Variants in BRINP1 observed in about 807,000 individuals in gnomAD.
BRINP1 encodes the protein BMP/retinoic acid-inducible neural-specific protein 1.
In BRINP1, 17 loss-of-function variants were observed where a neutral mutation model predicts 72.9. The observed-to-expected ratio is 0.23, with a 90% CI of 0.16 to 0.35. The LOEUF is 0.35. BRINP1 is among the 10% of genes least tolerant of loss of function. BRINP1 has a pLI of 1.00. For missense variants in BRINP1, 850 were observed against 1,001.6 expected (o/e 0.85, Z 2.04); for synonymous variants, 418 against 378.5 (o/e 1.10, Z -1.21).
chr9:119,293,780 T>A (rs1046943847), intron 2 of BRINP1, among the ~76,000 whole-genome samples: 1 of 152,044 alleles, frequency 6.6e-6, no homozygotes, highest in Non-Finnish European at 1.5e-5. Flanking sequence ...ACGAAGAAGA[T>A]GGAAAAATAA....
intron 2 of BRINP1, among the ~76,000 whole-genome samples, chr9:119,254,570 T>C (rs1588179270): frequency 6.6e-6 from 1 of 152,158 alleles, no homozygotes; most frequent in Admixed American, 6.5e-5. Context: ...TGGAGGAACA[T>C]AGACCTCAAA....
chr9:119,270,643 G>T (rs1214099909), intron 2 of BRINP1, among the ~76,000 whole-genome samples: 1 of 152,188 alleles, frequency 6.6e-6, no homozygotes, highest in Non-Finnish European at 1.5e-5. Flanking sequence ...GAGGGCAGTA[G>T]ATAAGACAGA....
At chr9:119,314,182 G>A (rs935004149) in intron 1 of BRINP1, among the ~76,000 whole-genome samples, 1 of 152,138 alleles carries the variant, frequency 6.6e-6, no homozygotes, top group Non-Finnish European at 1.5e-5. Flanking sequence ...GAAAACTGAA[G>A]GCGGTCATTT....
At chr9:119,299,007 T>C (rs985411046) in intron 2 of BRINP1, among the ~76,000 whole-genome samples, 2 of 152,202 alleles carry the variant, frequency 1.3e-5, no homozygotes, top group Non-Finnish European at 2.9e-5. Flanking sequence ...TATGTATACA[T>C]TGAGGAATGG....
intron 2 of BRINP1, among the ~76,000 whole-genome samples, chr9:119,272,579 A>G (rs1432892451): frequency 6.6e-6 from 1 of 152,162 alleles, no homozygotes; most frequent in Non-Finnish European, 1.5e-5. Flanking sequence ...AGCTCCCAAG[A>G]GAAGAAAAGC....
At chr9:119,362,547 C>A (rs141928362) in intron 1 of BRINP1, among the ~76,000 whole-genome samples, 148 of 152,270 alleles carry the variant, frequency 9.7e-4, no homozygotes, top group African/African-American at 3.6e-3. Context: ...CACCATACCC[C>A]CCAAGTCACT....
rs1356871372 is a variant in BRINP1, at chr9:119,166,722, C to CTT, written c.*360_*361dup. The CTT allele has an allele frequency of 5.7e-6, 1 of 176,032 alleles. No individual in the cohort carries two copies. Among genetic ancestry groups the CTT allele is most frequent in the Non-Finnish European group, 1.2e-5 (1 of 83,754 alleles). The allele number at this position is 176,032 out of a possible 1,614,324, so 10.9% of individuals were successfully genotyped here. ...TCAGTTGTACATTACATATATCTCT[C>CTT]TTTCTTTTTAGTGTTTAATCTTAGC... On this transcript the variant is annotated 3_prime_UTR_variant, in exon 8 of 8. Transcript: ENST00000265922.
At chr9:119,187,687 C>T (rs967039727) in intron 7 of BRINP1, among the ~76,000 whole-genome samples, 16 of 152,040 alleles carry the variant, frequency 1.1e-4, no homozygotes, top group Admixed American at 6.6e-5. Context: ...ACCAAAAGAA[C>T]AAAATAATTA....
At chr9:119,251,391 G>T (rs1830386346) in intron 2 of BRINP1, among the ~76,000 whole-genome samples, 1 of 152,146 alleles carries the variant, frequency 6.6e-6, no homozygotes, top group African/African-American at 2.4e-5. Flanking sequence ...CAGAGAGGAG[G>T]TCATGTTTGA....
chr9:119,286,928 C>T (rs930088566), intron 2 of BRINP1, among the ~76,000 whole-genome samples: 1 of 152,098 alleles, frequency 6.6e-6, no homozygotes, highest in African/African-American at 2.4e-5. Flanking sequence ...TTTTCTAGAC[C>T]TAAAGATCCT....
chr9:119,320,106 G>A (rs1027228694), intron 1 of BRINP1, among the ~76,000 whole-genome samples: 2 of 152,156 alleles, frequency 1.3e-5, no homozygotes, highest in Non-Finnish European at 2.9e-5. Context: ...CAGTTTTATT[G>A]AGCACAGATG....
At chr9:119,250,025 GGAGGGAAGGAAGGAAGGAGAGAGA>G (rs1830366116) in intron 2 of BRINP1, among the ~76,000 whole-genome samples, 1 of 125,170 alleles carries the variant, frequency 8.0e-6, no homozygotes, top group East Asian at 2.5e-4. Context: ...AGGGAGGGAA[GGAGGGAAGGAAGGAAGGAGAGAGA>G]GAGGGAGGGA....
intron 7 of BRINP1, among the ~76,000 whole-genome samples, chr9:119,170,836 T>TAAAGCAAAGAATTTTCAACCCAGA (rs1829398951): frequency 1.4e-5 from 2 of 145,624 alleles, no homozygotes; most frequent in Non-Finnish European, 3.0e-5. Context: ...TCAACATTCT[T>TAAAGCAAAGAATTTTCAACCCAGA]AAAGCAAAGA....
chr9:119,252,470 A>C (rs1011677915), intron 2 of BRINP1, among the ~76,000 whole-genome samples: 1 of 151,972 alleles, frequency 6.6e-6, no homozygotes. Flanking sequence ...AAAATTATAT[A>C]TACATATAAT....
chr9:119,253,401 A>T (rs1230684582), intron 2 of BRINP1, among the ~76,000 whole-genome samples: 1 of 152,202 alleles, frequency 6.6e-6, no homozygotes, highest in Non-Finnish European at 1.5e-5. Flanking sequence ...ATGTATACAT[A>T]CTCAATGGAA....
At chr9:119,174,570 G>A (rs2118827772) in intron 7 of BRINP1, among the ~76,000 whole-genome samples, 1 of 132,830 alleles carries the variant, frequency 7.5e-6, no homozygotes, top group East Asian at 2.1e-4. Context: ...AATTCCTCAG[G>A]GATCTAGAAC....
chr9:119,355,152 G>T (rs1016336123), intron 1 of BRINP1, among the ~76,000 whole-genome samples: 1 of 152,028 alleles, frequency 6.6e-6, no homozygotes, highest in African/African-American at 2.4e-5. Flanking sequence ...GAAAATACAG[G>T]TAAGAATCAA....
chr9:119,235,725 C>G (rs1830187115), intron 5 of BRINP1, among the ~76,000 whole-genome samples: 1 of 151,940 alleles, frequency 6.6e-6, no homozygotes, highest in Non-Finnish European at 1.5e-5. Flanking sequence ...GATTATATGC[C>G]TGGGGTCTAG....
rs1829319178 is a variant in BRINP1 at position 119,166,891 on chromosome 9, TAACA to T, written c.*189_*192del. 2 of 616,270 alleles carry T rather than the reference TAACA, an allele frequency of 3.2e-6. No homozygotes were observed. Among genetic ancestry groups the T allele is most frequent in the East Asian group, 3.0e-5 (1 of 33,380 alleles). 38.2% of individuals were successfully genotyped at this position (616,270 alleles called of 1,614,324 possible). The stretch of plus-strand genomic sequence containing the variant: ...CTTCATGACAGAGTGAGTATAGAAA[TAACA>T]AACATGCCCAACGCTTTTATACAGT... On this transcript the variant is annotated 3_prime_UTR_variant, in exon 8 of 8. Coordinates refer to ENST00000265922, the MANE Select transcript of BRINP1 (RefSeq NM_014618.3).
Sources: gnomAD v4.1 joint callset for allele counts (sites outside exome capture counted in the v4.1 genomes callset) on GRCh38, gnomAD v4.1.1 for gene constraint, MANE v1.5 for transcripts, NCBI Gene and HGNC (gene_info 2026-07-23, HGNC 2026-07-21) for gene names.